Variants in OR1J2 observed in about 807,000 individuals in gnomAD.
OR1J2 encodes olfactory receptor 1J2.
For synonymous variants in OR1J2, 142 were observed against 99.7 expected (o/e 1.42, Z -2.52); for missense variants, 304 against 246.1 (o/e 1.24, Z -1.57).
chr9:122,537,715 C>T, the OR1J2 span, among the ~76,000 whole-genome samples: 1 of 152,126 alleles, frequency 6.6e-6, no homozygotes, highest in Admixed American at 6.5e-5. Flanking sequence ...GAAATGGCCT[C>T]ATTTCCTGGG....
chr9:122,571,327 G>A, the OR1J2 span, among the ~76,000 whole-genome samples: 44 of 152,164 alleles, frequency 2.9e-4, no homozygotes, highest in Admixed American at 1.0e-3. Context: ...TGAGGCAGGC[G>A]GATCACAAGG....
At chr9:122,490,331 A>AAT in the OR1J2 span, among the ~76,000 whole-genome samples, 46 of 152,038 alleles carry the variant, frequency 3.0e-4, no homozygotes, top group South Asian at 2.7e-3. Flanking sequence ...GGTGAGTGTA[A>AAT]ATATATATAT....
chr9:122,461,272 C>A, the OR1J2 span, among the ~76,000 whole-genome samples: 3 of 151,858 alleles, frequency 2.0e-5, no homozygotes, highest in African/African-American at 7.3e-5. Flanking sequence ...CTTTTATTAC[C>A]TTAAGGTATG....
chr9:122,573,428 G>A, the OR1J2 span, among the ~76,000 whole-genome samples: 2 of 152,206 alleles, frequency 1.3e-5, no homozygotes, highest in African/African-American at 4.8e-5. Context: ...GAATGTTTAT[G>A]TTTGGCCATT....
At chr9:122,571,648 G>A in the OR1J2 span, among the ~76,000 whole-genome samples, 1,018 of 151,752 alleles carry the variant, frequency 6.7e-3, 13 homozygotes, top group African/African-American at 0.023. Context: ...CCCGGGAGGC[G>A]GAGGTTGCAG....
the OR1J2 span, among the ~76,000 whole-genome samples, chr9:122,536,400 C>G: frequency 6.6e-6 from 1 of 152,102 alleles, no homozygotes; most frequent in Non-Finnish European, 1.5e-5. Flanking sequence ...TAATTTCACT[C>G]CCTCCATAAA....
chr9:122,520,780 A>G, the OR1J2 span, among the ~76,000 whole-genome samples: 3 of 152,186 alleles, frequency 2.0e-5, no homozygotes, highest in African/African-American at 2.4e-5. Flanking sequence ...TTTCCCATTC[A>G]GTGTCTTCGT....
the OR1J2 span, among the ~76,000 whole-genome samples, chr9:122,496,868 G>A: frequency 6.6e-6 from 1 of 152,320 alleles, no homozygotes; most frequent in Middle Eastern, 3.4e-3. Context: ...TTTGCCTTAA[G>A]TAGTTTCCAG....
the OR1J2 span, among the ~76,000 whole-genome samples, chr9:122,458,236 T>G: frequency 6.6e-6 from 1 of 152,226 alleles, no homozygotes; most frequent in East Asian, 1.9e-4. Flanking sequence ...TGGATTCATG[T>G]TGAAACGTGT....
At chr9:122,518,785 A>G in the OR1J2 span, among the ~76,000 whole-genome samples, 3 of 152,198 alleles carry the variant, frequency 2.0e-5, no homozygotes, top group South Asian at 2.1e-4. Flanking sequence ...TTACAACATG[A>G]AGGCTCATGA....
the OR1J2 span, chr9:122,553,532 CCTT>C: frequency 3.7e-6 from 6 of 1,614,008 alleles, no homozygotes; most frequent in Non-Finnish European, 5.1e-6. Context: ...TATATTTCCT[CCTT>C]ATGTTTGGTG....
the OR1J2 span, among the ~76,000 whole-genome samples, chr9:122,463,771 G>A: frequency 0.24 from 35,942 of 152,034 alleles, 4,745 homozygotes; most frequent in East Asian, 0.38. Context: ...ATCCTGTGAT[G>A]TGATCCCTCT....
chr9:122,467,879 T>C, the OR1J2 span, among the ~76,000 whole-genome samples: 1 of 152,208 alleles, frequency 6.6e-6, no homozygotes, highest in African/African-American at 2.4e-5. Context: ...TACCCATTGA[T>C]AGCAGATTCT....
the OR1J2 span, among the ~76,000 whole-genome samples, chr9:122,575,919 ATTG>A: frequency 4.6e-5 from 7 of 151,998 alleles, no homozygotes; most frequent in African/African-American, 1.7e-4. Flanking sequence ...TGTAGTAACT[ATTG>A]TTTCATTCTC....
the OR1J2 span, among the ~76,000 whole-genome samples, chr9:122,539,058 G>T: frequency 1.4e-4 from 22 of 151,824 alleles, no homozygotes; most frequent in Admixed American, 3.3e-4. Context: ...CCTATCTCTC[G>T]GTCTCTGTGG....
chr9:122,453,832 C>T, the OR1J2 span, among the ~76,000 whole-genome samples: 1 of 152,182 alleles, frequency 6.6e-6, no homozygotes, highest in Non-Finnish European at 1.5e-5. Flanking sequence ...CCCTCATACC[C>T]AGGTATTTGC....
rs1002154782 is a variant in OR1J2 at position 122,510,846 on chromosome 9, G to A, written c.45G>A (p.Leu15=). ...NQSSVSEFLL[L]GLPIRPEQQA... Reference sequence around the variant, plus strand: ...GCAGCGTGTCCGAGTTCCTCCTTCTGGGCCTCCCCATCCGGCCAGAGCAGC... The same window carrying A: ...GCAGCGTGTCCGAGTTCCTCCTTCTAGGCCTCCCCATCCGGCCAGAGCAGC... The change falls in exon 1 of 1, where the codon CTG becomes CTA. Residue 15 remains leucine (L), a synonymous_variant. Coordinates refer to ENST00000335302, the MANE Select transcript of OR1J2 (RefSeq NM_054107.1). The A allele has an allele frequency of 6.2e-7, 1 of 1,607,524 alleles. No homozygotes were observed. The highest frequency in any genetic ancestry group is 8.5e-7 in the Non-Finnish European group (1 of 1,174,812).
chr9:122,537,303 G>T, the OR1J2 span, among the ~76,000 whole-genome samples: 2 of 152,206 alleles, frequency 1.3e-5, no homozygotes, highest in African/African-American at 4.8e-5. Context: ...AATAACATCA[G>T]GTTCTAAGTC....
chr9:122,553,214 G>A, the OR1J2 span: 1 of 1,613,470 alleles, frequency 6.2e-7, no homozygotes, highest in Non-Finnish European at 8.5e-7. Flanking sequence ...TACAAGGGAT[G>A]GGAAAACCAG....
Sources: allele counts gnomAD v4.1 joint callset (sites outside exome capture counted in the v4.1 genomes callset), GRCh38; gene constraint gnomAD v4.1.1; transcripts MANE v1.5; gene names NCBI Gene and HGNC (gene_info 2026-07-23, HGNC 2026-07-21).